The following SPIN1 variants were observed in gnomAD, a reference collection of about 807,000 sequenced individuals.
The protein encoded by SPIN1 is spindlin 1.
SPIN1 carries 3 observed loss-of-function variants against 26.0 expected under a neutral mutation model. That is an observed-to-expected ratio of 0.12 (90% CI 0.05 to 0.30). The LOEUF (loss-of-function observed/expected upper bound fraction) is 0.30. SPIN1 is among the 10% of genes least tolerant of loss of function. The pLI, the probability that SPIN1 is intolerant of heterozygous loss-of-function variation, is 1.00. For synonymous variants in SPIN1, 101 were observed against 116.5 expected (o/e 0.87, Z 0.86); for missense variants, 126 against 333.4 (o/e 0.38, Z 4.84).
chr9:88,475,133 C>G lies in SPIN1; in HGVS notation c.645C>G (p.Gly215=). 2 of 1,603,336 alleles carry G rather than the reference C, an allele frequency of 1.2e-6. No individual in the cohort carries two copies. The highest frequency in any genetic ancestry group is 1.7e-4 in the Middle Eastern group (1 of 6,026). The change falls in exon 6 of 6, where the codon GGC becomes GGG. Residue 215 remains glycine (G), a synonymous_variant. Coordinates refer to ENST00000375859, the MANE Select transcript of SPIN1 (RefSeq NM_006717.3). ...EPGEVVDSLV[G]KQVEYAKEDG... is the part of the protein sequence containing the mutation. Reference sequence around the variant, plus strand: ...GAGAAGTTGTGGACAGCCTGGTAGGCAAACAAGTGGAATATGCCAAAGAAG... The same window carrying G: ...GAGAAGTTGTGGACAGCCTGGTAGGGAAACAAGTGGAATATGCCAAAGAAG...
At chr9:88,458,959 A>G (rs1039772401) in intron 3 of SPIN1, among the ~76,000 whole-genome samples, 2 of 152,236 alleles carry the variant, frequency 1.3e-5, no homozygotes, top group Non-Finnish European at 2.9e-5. Flanking sequence ...ATGCTTTCAC[A>G]GAGACATCTA....
chr9:88,397,367 C>G lies in SPIN1; in HGVS notation c.-159+8829C>G, dbSNP rs574931150. Among the ~76,000 whole-genome samples the G allele has an allele frequency of 4.6e-5, 7 of 152,166 alleles. 1 individual carries two copies. In the South Asian group the frequency reaches 1.4e-3, roughly 32 times the overall value. ...TCATCTTGTACTGTTTTTCCCCTTG[C>G]TTTCCTTTGCTCCAGTTGTGTGGGG... On this transcript the variant is annotated intron_variant, in intron 1 of 5. Transcript: ENST00000375859.
chr9:88,468,767 T>C (rs1285981255), intron 5 of SPIN1, among the ~76,000 whole-genome samples, 162 bp downstream of exon 5: 2 of 152,200 alleles, frequency 1.3e-5, no homozygotes, highest in Non-Finnish European at 2.9e-5. Context: ...ATCCAGTTGT[T>C]ATAAATGTTA....
intron 2 of SPIN1, among the ~76,000 whole-genome samples, chr9:88,442,708 T>A (rs1434417910): frequency 6.6e-6 from 1 of 152,090 alleles, no homozygotes; most frequent in Non-Finnish European, 1.5e-5. Context: ...TCTTTACCTT[T>A]GATTTTCTAC....
intron 1 of SPIN1, among the ~76,000 whole-genome samples, chr9:88,393,625 T>A (rs1826984163): frequency 6.6e-6 from 1 of 151,478 alleles, no homozygotes; most frequent in Non-Finnish European, 1.5e-5. Context: ...CTAGCTAATT[T>A]TTGTATTTTT....
At position 88,444,272 on chromosome 9, in the gene SPIN1, G is replaced by A. The variant is rs1424398011; in HGVS notation, c.53-4669G>A. ...TTTTTTTTTTTTGAGACAGAGTCTCGCTCTGTCGCTTAGGCTGGAGTGCAG... is the reference window on the plus strand; with the variant it reads ...TTTTTTTTTTTTGAGACAGAGTCTCACTCTGTCGCTTAGGCTGGAGTGCAG... On this transcript the variant is annotated intron_variant, in intron 2 of 5. Coordinates refer to ENST00000375859, the MANE Select transcript of SPIN1 (RefSeq NM_006717.3). Among the ~76,000 whole-genome samples the A allele has an allele frequency of 4.9e-5, 6 of 122,328 alleles. No individual in the cohort carries two copies. In the South Asian group the frequency reaches 1.0e-3, roughly 21 times the overall value. 80.3% of individuals were successfully genotyped at this position (122,328 alleles called of 152,430 possible). A position where few individuals can be genotyped will look rare whatever the true frequency, so the allele number is the denominator to read the frequency against.
chr9:88,457,749 G>A, intron 3 of SPIN1: 1 of 802,090 alleles, frequency 1.2e-6, no homozygotes, highest in Non-Finnish European at 1.5e-6. Context: ...CAAAAATCTA[G>A]CGTTTGTATT....
In SPIN1 at chr9:88,449,008, G is replaced by A. The variant is rs1406143869; in HGVS notation, c.101+19G>A. 1 of 1,611,710 alleles carries A rather than the reference G, an allele frequency of 6.2e-7. No homozygotes were observed. The highest frequency in any genetic ancestry group is 1.3e-5 in the African/African-American group (1 of 74,384). ...CCCACAAGTAAGCAGTTCTGAAACT[G>A]GTTCTAGATAGTGTTTTGTGACCTT... On this transcript the variant is annotated intron_variant, in intron 3 of 5. Transcript: ENST00000375859.
intron 1 of SPIN1, chr9:88,415,480 A>T (rs1047626073): frequency 6.6e-6 from 1 of 152,164 alleles, no homozygotes; most frequent in South Asian, 2.1e-4. Context: ...CAGTGATGCC[A>T]TCCTGGCTCA....
At chr9:88,415,754 T>G (rs1827547400) in intron 1 of SPIN1, 1 of 151,978 alleles carries the variant, frequency 6.6e-6, no homozygotes, top group Admixed American at 6.6e-5. Flanking sequence ...TGTAATAATT[T>G]TTTTTTTGAG....
chr9:88,393,796 T>G (rs138106287), intron 1 of SPIN1, among the ~76,000 whole-genome samples: 1 of 151,950 alleles, frequency 6.6e-6, no homozygotes, highest in African/African-American at 2.4e-5. Context: ...CTTTTTTCTT[T>G]CTCTCTTTAG....
At chr9:88,429,618 C>G (rs924019965) in intron 2 of SPIN1, among the ~76,000 whole-genome samples, 1 of 152,188 alleles carries the variant, frequency 6.6e-6, no homozygotes, top group Non-Finnish European at 1.5e-5. Flanking sequence ...ATTGGTGCAT[C>G]TACCCCCCTC....
intron 2 of SPIN1, among the ~76,000 whole-genome samples, chr9:88,431,107 ACTCCTGAC>A (rs1463826952): frequency 1.3e-5 from 2 of 149,612 alleles, no homozygotes; most frequent in African/African-American, 4.9e-5. Context: ...CTGATCTTGA[ACTCCTGAC>A]CTCAGGTGAT....
chr9:88,449,133 T>C (rs1453094792), intron 3 of SPIN1, 144 bp downstream of exon 3: 2 of 695,362 alleles, frequency 2.9e-6, no homozygotes, highest in Non-Finnish European at 5.0e-6. Flanking sequence ...AGGAATAGTA[T>C]GTAGTCATCT....
intron 1 of SPIN1, among the ~76,000 whole-genome samples, chr9:88,402,686 C>T (rs934767931): frequency 1.2e-4 from 18 of 152,116 alleles, no homozygotes; most frequent in African/African-American, 4.3e-4. Context: ...ATACATGCCA[C>T]GTTTTCTTTA....
rs570626860 is a variant in SPIN1 at position 88,473,667 on chromosome 9, G to A, written c.590-1411G>A. Reference sequence around the variant, plus strand: ...CTTGTGTGTGTGTGTGTGTGCACGCGCTATGGAAGCTTATTACCTTTAGAA... The same window carrying A: ...CTTGTGTGTGTGTGTGTGTGCACGCACTATGGAAGCTTATTACCTTTAGAA... On this transcript the variant is annotated intron_variant, in intron 5 of 5. Coordinates refer to ENST00000375859, the MANE Select transcript of SPIN1 (RefSeq NM_006717.3). Among the ~76,000 whole-genome samples the A allele has an allele frequency of 1.2e-4, 19 of 152,042 alleles. No individual in the cohort carries two copies. In the East Asian group the frequency reaches 3.3e-3, roughly 26 times the overall value.
At chr9:88,433,206 A>T (rs943461336) in intron 2 of SPIN1, among the ~76,000 whole-genome samples, 3 of 152,090 alleles carry the variant, frequency 2.0e-5, no homozygotes, top group Admixed American at 2.0e-4. Flanking sequence ...CAGCCTCCTG[A>T]GTAGCTGGGA....
intron 1 of SPIN1, among the ~76,000 whole-genome samples, chr9:88,408,981 T>TTGTGTGTGTGTGTG (rs148808911): frequency 0.017 from 2,356 of 136,654 alleles, 72 homozygotes; most frequent in African/African-American, 0.06. Context: ...TTGTGTGTGT[T>TTGTGTGTGTGTGTG]TGTGTGTGTG....
chr9:88,429,945 A>G (rs1315241971), intron 2 of SPIN1, among the ~76,000 whole-genome samples: 13 of 152,124 alleles, frequency 8.5e-5, no homozygotes, highest in Non-Finnish European at 1.8e-4. Flanking sequence ...AGGAAGGCCA[A>G]ATATATATAT....
Sources: allele counts gnomAD v4.1 joint callset (sites outside exome capture counted in the v4.1 genomes callset), GRCh38; gene constraint gnomAD v4.1.1; transcripts MANE v1.5; gene names NCBI Gene and HGNC (gene_info 2026-07-23, HGNC 2026-07-21).